The following CALN1 variants were observed in gnomAD, a reference collection of about 807,000 sequenced individuals.
CALN1 encodes the protein calcium-binding protein 8.
A neutral mutation model predicts 30.6 loss-of-function variants in CALN1; 17 were observed. The observed-to-expected ratio is 0.56, with a 90% CI of 0.38 to 0.83. The LOEUF (loss-of-function observed/expected upper bound fraction) is 0.83, where lower values mean the gene tolerates loss of function less well. Among genes scored for constraint, CALN1 ranks in the 40% least tolerant of loss-of-function variants. The pLI is 0.00. For synonymous variants in CALN1, 156 were observed against 131.4 expected, an observed-to-expected ratio of 1.19 and a Z score of -1.28; for missense variants, 291 against 354.9, an observed-to-expected ratio of 0.82 and a Z score of 1.45.
At chr7:72,285,996 AC>A (rs2129554535) in intron 2 of CALN1, among the ~76,000 whole-genome samples, 1 of 152,316 alleles carries the variant, frequency 6.6e-6, no homozygotes, top group South Asian at 2.1e-4. Context: ...ACGAAAGCAC[AC>A]CAAAATAATG....
intron 3 of CALN1, among the ~76,000 whole-genome samples, chr7:72,163,043 G>A (rs1788230121): frequency 6.6e-6 from 1 of 152,220 alleles, no homozygotes; most frequent in South Asian, 2.1e-4. Flanking sequence ...GTGCTGAGCA[G>A]AGATTTCAGC....
At chr7:72,051,221 T>C (rs1802817938) in intron 4 of CALN1, among the ~76,000 whole-genome samples, 1 of 151,812 alleles carries the variant, frequency 6.6e-6, no homozygotes, top group African/African-American at 2.4e-5. Flanking sequence ...AACTATAAAA[T>C]ATATGAATGA....
At chr7:72,234,168 G>C (rs17144413) in intron 3 of CALN1, among the ~76,000 whole-genome samples, 1,735 of 152,280 alleles carry the variant, frequency 0.011, 86 homozygotes, top group Admixed American at 0.085. Flanking sequence ...CAAAGATAGA[G>C]GCAGTTTGCA....
intron 5 of CALN1, among the ~76,000 whole-genome samples, chr7:72,014,800 T>A (rs1800284973): frequency 6.6e-6 from 1 of 152,128 alleles, no homozygotes. Flanking sequence ...TACCTGGGAC[T>A]ACAGGCATGT....
At chr7:72,182,910 C>CAG (rs1789920708) in intron 3 of CALN1, among the ~76,000 whole-genome samples, 1 of 152,040 alleles carries the variant, frequency 6.6e-6, no homozygotes, top group South Asian at 2.1e-4. Context: ...TGAGAGGTAG[C>CAG]AGAGGAAGGT....
intron 2 of CALN1, among the ~76,000 whole-genome samples, chr7:72,391,456 C>T (rs1335505607): frequency 6.8e-6 from 1 of 146,352 alleles, no homozygotes; most frequent in African/African-American, 2.4e-5. Context: ...TAGGACCAGG[C>T]AGCAAAAGGA....
chr7:71,799,178 T>C (rs1787152054), intron 6 of CALN1, among the ~76,000 whole-genome samples: 1 of 152,194 alleles, frequency 6.6e-6, no homozygotes, highest in African/African-American at 2.4e-5. Context: ...ATGTTGAGTT[T>C]TGTACTGAAT....
intron 5 of CALN1, among the ~76,000 whole-genome samples, chr7:71,824,591 C>T (rs556215393): frequency 6.6e-6 from 1 of 152,140 alleles, no homozygotes; most frequent in South Asian, 2.1e-4. Context: ...CAGCTGGGGG[C>T]CAACATCTTT....
intron 5 of CALN1, among the ~76,000 whole-genome samples, chr7:72,012,678 CTCTGCAGCA>C (rs1379047477): frequency 6.6e-6 from 1 of 152,190 alleles, no homozygotes; most frequent in African/African-American, 2.4e-5. Context: ...CTCCTGCAGC[CTCTGCAGCA>C]GAGGGTCATA....
the CALN1 span, among the ~76,000 whole-genome samples, chr7:72,454,990 C>T: frequency 1.3e-5 from 2 of 152,088 alleles, no homozygotes; most frequent in Non-Finnish European, 2.9e-5. Flanking sequence ...CCCCACCATG[C>T]CCAGCTAATT....
chr7:72,184,849 G>A (rs1790069130), intron 3 of CALN1, among the ~76,000 whole-genome samples: 2 of 151,938 alleles, frequency 1.3e-5, no homozygotes, highest in South Asian at 4.2e-4. Flanking sequence ...CTGGAATGCA[G>A]TGGTGCAATC....
intron 2 of CALN1, among the ~76,000 whole-genome samples, chr7:72,361,636 G>C (rs151274766): frequency 3.9e-5 from 6 of 152,284 alleles, no homozygotes; most frequent in African/African-American, 1.4e-4. Flanking sequence ...ACATTCACTT[G>C]ATCGCATCAC....
chr7:72,405,198 G>A (rs769451349), intron 1 of CALN1, among the ~76,000 whole-genome samples: 3 of 152,176 alleles, frequency 2.0e-5, no homozygotes, highest in Non-Finnish European at 2.9e-5. Flanking sequence ...CTTAAAGAGA[G>A]TAAGTGTCTC....
intron 3 of CALN1, among the ~76,000 whole-genome samples, chr7:72,156,131 C>T (rs1037020162): frequency 3.9e-5 from 6 of 152,104 alleles, no homozygotes; most frequent in Admixed American, 3.9e-4. Flanking sequence ...AACTAGTGGT[C>T]CAAAATCACC....
intron 3 of CALN1, among the ~76,000 whole-genome samples, chr7:72,163,380 C>G (rs1439316229): frequency 2.3e-5 from 2 of 87,184 alleles, no homozygotes; most frequent in Middle Eastern, 5.7e-3. Context: ...AAGAAAAAAA[C>G]TTATTGGAGA....
At chr7:71,999,715 G>A (rs927189043) in intron 5 of CALN1, among the ~76,000 whole-genome samples, 1 of 151,964 alleles carries the variant, frequency 6.6e-6, no homozygotes, top group African/African-American at 2.4e-5. Flanking sequence ...AGGTTTTGCC[G>A]TCGGCCAGGC....
intron 5 of CALN1, among the ~76,000 whole-genome samples, chr7:71,971,132 G>C (rs944498514): frequency 1.3e-5 from 2 of 152,174 alleles, no homozygotes; most frequent in Admixed American, 1.3e-4. Flanking sequence ...CTGCTGGAAG[G>C]CACGCTATAA....
chr7:72,016,066 C>T (rs141825636), intron 5 of CALN1, among the ~76,000 whole-genome samples: 3 of 151,700 alleles, frequency 2.0e-5, no homozygotes, highest in African/African-American at 4.8e-5. Context: ...CTGGCCAACA[C>T]GGTGAAACCC....
At chr7:72,365,985 G>A (rs1241731783) in intron 2 of CALN1, among the ~76,000 whole-genome samples, 1 of 151,962 alleles carries the variant, frequency 6.6e-6, no homozygotes, top group African/African-American at 2.4e-5. Flanking sequence ...CCAATTCTAA[G>A]TATTTATCCT....
Sources: gnomAD v4.1 joint callset for allele counts (sites outside exome capture counted in the v4.1 genomes callset) on GRCh38, gnomAD v4.1.1 for gene constraint, MANE v1.5 for transcripts, NCBI Gene and HGNC (gene_info 2026-07-23, HGNC 2026-07-21) for gene names.